The following SLK variants were observed in gnomAD, a reference collection of about 807,000 sequenced individuals.
SLK encodes STE20 like kinase.
A neutral mutation model predicts 147.7 loss-of-function variants in SLK; 67 were observed. That is an observed-to-expected ratio of 0.45 (90% CI 0.37 to 0.56). The LOEUF (loss-of-function observed/expected upper bound fraction) is 0.56, where lower values mean the gene tolerates loss of function less well. SLK is among the 20% of genes least tolerant of loss of function. The pLI is 0.00. For missense variants in SLK, 1,136 were observed against 1,438.8 expected (o/e 0.79, Z 3.41); for synonymous variants, 441 against 475.0 (o/e 0.93, Z 0.93).
chr10:104,017,215 G>A (rs1844475656), intron 13 of SLK, among the ~76,000 whole-genome samples: 1 of 152,152 alleles, frequency 6.6e-6, no homozygotes, highest in South Asian at 2.1e-4. Context: ...CATGTTTATA[G>A]AATTCTGTGA....
chr10:104,015,656 G>C (rs1441261602), intron 13 of SLK, among the ~76,000 whole-genome samples: 2 of 149,700 alleles, frequency 1.3e-5, no homozygotes, highest in Admixed American at 6.8e-5. Flanking sequence ...CATTTACTAA[G>C]TGCTTAATAA....
intron 2 of SLK, among the ~76,000 whole-genome samples, chr10:103,992,141 G>GTTTTTTTTTTTTTTTTTTTTT (rs56381345): frequency 3.2e-4 from 29 of 91,798 alleles, no homozygotes; most frequent in African/African-American, 5.6e-4. Context: ...TATTTCTTCT[G>GTTTTTTTTTTTTTTTTTTTTT]TTTTTTTTTT....
intron 1 of SLK, among the ~76,000 whole-genome samples, chr10:103,976,670 A>C (rs1209519179): frequency 6.6e-6 from 1 of 151,896 alleles, no homozygotes; most frequent in Non-Finnish European, 1.5e-5. Flanking sequence ...AAATCTGTAT[A>C]GTTTTGCAGC....
At chr10:104,008,141 G>A (rs1196390370) in intron 11 of SLK, 36 bp from the exon 12 acceptor site, 2 of 1,545,116 alleles carry the variant, frequency 1.3e-6, no homozygotes, top group East Asian at 2.2e-5. Context: ...TATGGGTGAT[G>A]GAAAAGTTAT....
In SLK at chr10:104,021,637, G is replaced by A; in HGVS notation, c.3465G>A (p.Leu1155=). The part of the protein sequence containing the change: ...LHQLQNEKCH[L]LVEHETQKLK... ...ATTTTCAGAATGAAAAATGCCACTT[G>A]TTGGTTGAGCATGAGACTCAGAAAC... The change falls in exon 18 of 19, where the codon TTG becomes TTA. Residue 1155 remains leucine, a synonymous_variant. Transcript: ENST00000369755. The A allele has an allele frequency of 1.2e-6, 2 of 1,601,860 alleles. No homozygotes were observed. Among genetic ancestry groups the A allele is most frequent in the Non-Finnish European group, 1.7e-6 (2 of 1,175,446 alleles).
intron 1 of SLK, among the ~76,000 whole-genome samples, chr10:103,975,454 C>G (rs1418916495): frequency 6.6e-6 from 1 of 152,126 alleles, no homozygotes; most frequent in Non-Finnish European, 1.5e-5. Context: ...TTAATTCTAC[C>G]TACTAAATAT....
intron 15 of SLK, 108 bp downstream of exon 15, chr10:104,019,016 T>G (rs1844500494): frequency 2.7e-6 from 3 of 1,109,310 alleles, no homozygotes; most frequent in Admixed American, 5.5e-5. Context: ...ATTTCCTTTC[T>G]GTCTTTTATC....
At chr10:103,970,381 G>A in intron 1 of SLK, among the ~76,000 whole-genome samples, 1 of 152,148 alleles carries the variant, frequency 6.6e-6, no homozygotes, top group Non-Finnish European at 1.5e-5. Context: ...AAAAATTTCT[G>A]AAGAACAAGA....
intron 13 of SLK, among the ~76,000 whole-genome samples, chr10:104,015,435 A>G (rs1017520914): frequency 6.6e-6 from 1 of 152,192 alleles, no homozygotes; most frequent in African/African-American, 2.4e-5. Flanking sequence ...ATTGTGAGGC[A>G]TGGTTTCTGA....
intron 1 of SLK, among the ~76,000 whole-genome samples, chr10:103,970,280 A>T (rs1466131937): frequency 6.6e-6 from 1 of 152,266 alleles, no homozygotes; most frequent in Non-Finnish European, 1.5e-5. Context: ...TGGCATGGGC[A>T]GACTGTGTGG....
In SLK at chr10:103,978,338, T is replaced by C. The variant is rs543219853; in HGVS notation, c.150+10443T>C. 2.5e-4 allele frequency among the ~76,000 whole-genome samples: 38 copies of C among 152,252 alleles called. 1 individual carries two copies. In the South Asian group the frequency reaches 6.0e-3, roughly 24 times the overall value. ...TTTAAATTCACACAGATCTTTAACATAACTCTGTAACAGAAGCAGTTAATT... is the reference window on the plus strand; with the variant it reads ...TTTAAATTCACACAGATCTTTAACACAACTCTGTAACAGAAGCAGTTAATT... On this transcript the variant is annotated intron_variant, in intron 1 of 18. Transcript: ENST00000369755.
At chr10:104,015,524 C>G (rs1293043068) in intron 13 of SLK, among the ~76,000 whole-genome samples, 1 of 152,184 alleles carries the variant, frequency 6.6e-6, no homozygotes, top group Non-Finnish European at 1.5e-5. Flanking sequence ...AAGGGACCCA[C>G]TACTCTTTAT....
intron 4 of SLK, among the ~76,000 whole-genome samples, chr10:103,993,929 C>T (rs1364332473): frequency 6.6e-6 from 1 of 152,072 alleles, no homozygotes; most frequent in African/African-American, 2.4e-5. Flanking sequence ...GAGTCTTGCT[C>T]TGTTGCTTAG....
At position 104,019,048 on chromosome 10, in the gene SLK, T is replaced by C. The variant is rs1589547043; in HGVS notation, c.3132+140T>C. ...TATCCTACAATTTCTTGGATGAAGT[T>C]TGGAGTAATTAATTGTATCTTGATC... On this transcript the variant is annotated intron_variant, in intron 15 of 18. Coordinates refer to ENST00000369755, the MANE Select transcript of SLK (RefSeq NM_014720.4). 5.1e-6 allele frequency: 4 copies of C among 779,930 alleles called. No homozygotes were observed. The East Asian group carries it at 1.2e-4, about 23-fold the overall frequency. 48.3% of individuals were successfully genotyped at this position (779,930 alleles called of 1,614,324 possible).
intron 4 of SLK, 78 bp from the exon 5 acceptor site, chr10:103,998,819 TAA>T (rs1294185702): frequency 1.1e-6 from 1 of 939,312 alleles, no homozygotes; most frequent in Non-Finnish European, 1.7e-6. Context: ...ATTAAAGACT[TAA>T]AATGCTTTTT....
chr10:104,009,735 G>A (rs1407816883), intron 12 of SLK, among the ~76,000 whole-genome samples: 2 of 152,022 alleles, frequency 1.3e-5, no homozygotes, highest in Non-Finnish European at 2.9e-5. Flanking sequence ...TTTCAGCCAC[G>A]AACATGTTTG....
intron 2 of SLK, 125 bp downstream of exon 2, chr10:103,990,964 A>T (rs1261071292): frequency 2.1e-6 from 1 of 471,474 alleles, no homozygotes; most frequent in Non-Finnish European, 3.5e-6. Flanking sequence ...GTGTCACTTG[A>T]ATGAGAGTTG....
At chr10:103,971,342 T>A (rs1280828250) in intron 1 of SLK, among the ~76,000 whole-genome samples, 1 of 152,170 alleles carries the variant, frequency 6.6e-6, no homozygotes, top group Non-Finnish European at 1.5e-5. Flanking sequence ...TGGCGCAATC[T>A]CGGCTCACTG....
rs139754588 is a variant in SLK, at chr10:103,969,835, T to G, written c.150+1940T>G. ...ATATTAACTTTCTTAGGAGTTTAGA[T>G]TCTTTCACCCATTAAAGTTCTGTGA... is the stretch of plus-strand genomic sequence containing the variant. On this transcript the variant is annotated intron_variant, in intron 1 of 18. Coordinates refer to ENST00000369755, the MANE Select transcript of SLK (RefSeq NM_014720.4). Among the ~76,000 whole-genome samples the G allele has an allele frequency of 2.8e-3, 427 of 152,368 alleles. 3 individuals are homozygous for G. The highest frequency in any genetic ancestry group is 5.7e-3 in the Admixed American group (87 of 15,308).
Sources: allele counts gnomAD v4.1 joint callset (sites outside exome capture counted in the v4.1 genomes callset), GRCh38; gene constraint gnomAD v4.1.1; transcripts MANE v1.5; gene names NCBI Gene and HGNC (gene_info 2026-07-23, HGNC 2026-07-21).